ATXN1: variants seen among roughly 807,000 people sequenced by gnomAD.
ATXN1 encodes ataxin-1.
A neutral mutation model predicts 56.4 loss-of-function variants in ATXN1; 8 were observed. That is an observed-to-expected ratio of 0.14 (90% confidence interval 0.08 to 0.26). The LOEUF (loss-of-function observed/expected upper bound fraction) is 0.26, where lower values mean the gene tolerates loss of function less well. Among genes scored for constraint, ATXN1 ranks in the 10% least tolerant of loss-of-function variants. The probability of loss-of-function intolerance (pLI) is 1.00; values close to 1 mark genes in which losing one functional copy is unlikely to be tolerated. For synonymous variants in ATXN1, 514 were observed against 494.6 expected, an observed-to-expected ratio of 1.04 and a Z score of -0.52; for missense variants, 987 against 1,106.5, an observed-to-expected ratio of 0.89 and a Z score of 1.53.
intron 4 of ATXN1, among the ~76,000 whole-genome samples, chr6:16,553,435 C>T (rs115209215): frequency 0.015 from 2,210 of 152,286 alleles, 20 homozygotes; most frequent in Non-Finnish European, 0.022. Flanking sequence ...TTCCACCATA[C>T]TTTGTATTTC....
chr6:16,760,537 C>A lies in ATXN1; in HGVS notation c.-730+761G>T, dbSNP rs898265908. Among the ~76,000 whole-genome samples the A allele has an allele frequency of 3.3e-5, 5 of 151,344 alleles. No individual in the cohort carries two copies. The highest frequency in any genetic ancestry group is 1.2e-4 in the African/African-American group (5 of 41,334). On this transcript the variant is annotated intron_variant, in intron 1 of 7. Transcript: ENST00000436367. This position sits in a 1 kb window ranked among gnomAD's most constrained non-coding sequence, Gnocchi z 5.3. Reference sequence around the variant, plus strand: ...CCAGGCACCCGCACACCCGCTACCCCCGCGCGGTCCCCGAGGCCACCCCTC... The same window carrying A: ...CCAGGCACCCGCACACCCGCTACCCACGCGCGGTCCCCGAGGCCACCCCTC...
chr6:16,640,543 C>T (rs949065318), intron 3 of ATXN1, among the ~76,000 whole-genome samples: 3 of 151,992 alleles, frequency 2.0e-5, no homozygotes, highest in Non-Finnish European at 4.4e-5. Context: ...GTTAGCCGGA[C>T]GTAGTGGCGG....
intron 6 of ATXN1, among the ~76,000 whole-genome samples, chr6:16,354,760 T>G (rs1215552906): frequency 6.6e-6 from 1 of 152,240 alleles, no homozygotes; most frequent in East Asian, 1.9e-4. Flanking sequence ...AACAGGTGCC[T>G]GACATCCTCT....
At chr6:16,551,399 G>A (rs1761918084) in intron 4 of ATXN1, among the ~76,000 whole-genome samples, 1 of 140,696 alleles carries the variant, frequency 7.1e-6, no homozygotes, top group South Asian at 2.4e-4. Context: ...AGAAGGAAGT[G>A]GAATCTGAGC....
At chr6:16,439,163 T>G (rs1208585129) in intron 6 of ATXN1, among the ~76,000 whole-genome samples, 1 of 151,942 alleles carries the variant, frequency 6.6e-6, no homozygotes. Flanking sequence ...TTCCATGTTA[T>G]GAAGGGCCTC....
At chr6:16,336,320 A>T (rs1202621672) in intron 6 of ATXN1, among the ~76,000 whole-genome samples, 1 of 152,186 alleles carries the variant, frequency 6.6e-6, no homozygotes, top group African/African-American at 2.4e-5. Flanking sequence ...TCATGTAGAA[A>T]AGGGACAGAA....
chr6:16,355,548 T>C (rs532288474), intron 6 of ATXN1, among the ~76,000 whole-genome samples: 32 of 143,424 alleles, frequency 2.2e-4, no homozygotes, highest in African/African-American at 6.3e-4. Flanking sequence ...CCTGCAGGAA[T>C]ACTCACCCAC....
At chr6:16,710,785 G>T (rs1759507158) in intron 2 of ATXN1, among the ~76,000 whole-genome samples, 1 of 151,552 alleles carries the variant, frequency 6.6e-6, no homozygotes, top group Non-Finnish European at 1.5e-5. Context: ...ATGGGGTTTT[G>T]CTATGCTGCC....
chr6:16,516,886 C>A (rs1761193167), intron 5 of ATXN1, among the ~76,000 whole-genome samples: 1 of 152,202 alleles, frequency 6.6e-6, no homozygotes, highest in Non-Finnish European at 1.5e-5. Flanking sequence ...TCAGGGCTTA[C>A]CTTTTCACCC....
intron 6 of ATXN1, among the ~76,000 whole-genome samples, chr6:16,447,675 T>C (rs577522827): frequency 2.0e-5 from 3 of 151,912 alleles, no homozygotes; most frequent in South Asian, 2.1e-4. Flanking sequence ...AAGGCGCTGA[T>C]AAAAAAAATA....
intron 3 of ATXN1, among the ~76,000 whole-genome samples, chr6:16,601,913 G>C (rs1055233370): frequency 6.6e-6 from 1 of 152,074 alleles, no homozygotes; most frequent in African/African-American, 2.4e-5. Context: ...AGAAGATTTT[G>C]TGCAAGCGTA....
intron 5 of ATXN1, among the ~76,000 whole-genome samples, chr6:16,501,591 G>A (rs1760886939): frequency 6.6e-6 from 1 of 152,124 alleles, no homozygotes; most frequent in Non-Finnish European, 1.5e-5. Flanking sequence ...TTCTGTTCCT[G>A]TGTTAGTTTG....
Position 16,306,444 on chromosome 6 carries a change from T to A in ATXN1, c.2333A>T (p.Glu778Val). ...ATRKRRWSAP[E>V]SRKLEKSEDE... The stretch of plus-strand genomic sequence containing the variant: ...TTCTGACTTCTCCAGTTTGCGGCTC[T>A]CTGGCGCCGACCACCTCCTCTTCCT... The change falls in exon 8 of 8, where the codon GAG becomes GTG. Residue 778 changes from glutamate to valine, a missense_variant. Transcript: ENST00000436367. The surrounding 1 kb of genome is among the most constrained non-coding windows in gnomAD (Gnocchi z 5.2). 5 of 1,614,198 alleles carry A rather than the reference T, an allele frequency of 3.1e-6. No homozygotes were observed. The highest frequency in any genetic ancestry group is 4.2e-6 in the Non-Finnish European group (5 of 1,180,032).
rs1458831577 is a variant in ATXN1, at chr6:16,327,126, C to T, written c.1185G>A (p.Leu395=). Reference sequence around the variant, plus strand: ...CACGATGAGTGGCCTGTTGCACCTCCAGGTCAGCTGCGGGCGTGTTGCTGT... The same window carrying T: ...CACGATGAGTGGCCTGTTGCACCTCTAGGTCAGCTGCGGGCGTGTTGCTGT... ...LPNSNTPAAD[L]EVQQATHREA... The change falls in exon 7 of 8, where the codon CTG becomes CTA. Residue 395 remains leucine (L), a synonymous_variant. Transcript: ENST00000436367. The T allele has an allele frequency of 6.2e-7, 1 of 1,613,662 alleles. No homozygotes were observed. The highest frequency in any genetic ancestry group is 1.1e-5 in the South Asian group (1 of 91,082).
chr6:16,592,866 G>A (rs918870954), intron 3 of ATXN1, among the ~76,000 whole-genome samples: 6 of 149,336 alleles, frequency 4.0e-5, no homozygotes, highest in African/African-American at 9.9e-5. Flanking sequence ...TGGCTGGTGC[G>A]GGTGGGGGTG....
At chr6:16,529,137 C>T (rs1761450763) in intron 4 of ATXN1, among the ~76,000 whole-genome samples, 1 of 150,484 alleles carries the variant, frequency 6.6e-6, no homozygotes, top group Admixed American at 6.6e-5. Context: ...TGAGACTGTG[C>T]CACTGCACTC....
intron 5 of ATXN1, among the ~76,000 whole-genome samples, chr6:16,490,568 A>C (rs1760640185): frequency 6.6e-6 from 1 of 152,200 alleles, no homozygotes; most frequent in South Asian, 2.1e-4. Context: ...TTCTAAATGC[A>C]GTGACCTTTG....
At chr6:16,606,171 G>C (rs1025442933) in intron 3 of ATXN1, among the ~76,000 whole-genome samples, 2 of 70,486 alleles carry the variant, frequency 2.8e-5, no homozygotes, top group African/African-American at 3.8e-5. Flanking sequence ...CAAAAAGAAT[G>C]ACAATTAACT....
chr6:16,701,614 C>T (rs1249428208), intron 2 of ATXN1, among the ~76,000 whole-genome samples: 4 of 152,168 alleles, frequency 2.6e-5, no homozygotes, highest in Non-Finnish European at 5.9e-5. Flanking sequence ...TCTCCTTAAG[C>T]TGATAAGCAA....
Sources: allele counts gnomAD v4.1 joint callset (sites outside exome capture counted in the v4.1 genomes callset), GRCh38; gene constraint gnomAD v4.1.1; non-coding constraint Gnocchi (gnomAD v3.1); transcripts MANE v1.5; gene names NCBI Gene and HGNC (gene_info 2026-07-23, HGNC 2026-07-21).